Variants in DDX24 observed in about 807,000 individuals in gnomAD.
DDX24 encodes ATP-dependent RNA helicase DDX24.
A neutral mutation model predicts 68.9 loss-of-function variants in DDX24; 24 were observed. The ratio of observed to expected loss-of-function variants is 0.35; its 90% CI spans 0.25 to 0.49. The LOEUF (loss-of-function observed/expected upper bound fraction) is 0.49, where lower values mean the gene tolerates loss of function less well. DDX24 is among the 20% of genes least tolerant of loss of function. The pLI is 0.99. For missense variants in DDX24, 989 were observed against 1,039.0 expected (o/e 0.95, Z 0.66); for synonymous variants, 395 against 385.2 (o/e 1.03, Z -0.30).
rs1885377599 is a variant in DDX24, at chr14:94,051,082, A to C, written c.*109T>G. 2 of 1,356,206 alleles carry C rather than the reference A, an allele frequency of 1.5e-6. No individual in the cohort carries two copies. The highest frequency in any genetic ancestry group is 5.3e-5 in the Admixed American group (2 of 37,478). The allele number at this position is 1,356,206 out of a possible 1,614,324, so 84.0% of individuals were successfully genotyped here. A position where few individuals can be genotyped will look rare whatever the true frequency, so the allele number is the denominator to read the frequency against. On this transcript the variant is annotated 3_prime_UTR_variant, in exon 9 of 9. Transcript: ENST00000621632. ...CTATGGGTGTGAGTGGAAGAGAGGGAGACTTTTTTACCTGGGGTTGGTGGT... is the reference window on the plus strand; with the variant it reads ...CTATGGGTGTGAGTGGAAGAGAGGGCGACTTTTTTACCTGGGGTTGGTGGT...
At chr14:94,063,300 A>G (rs1324615515) in intron 2 of DDX24, among the ~76,000 whole-genome samples, 5 of 151,894 alleles carry the variant, frequency 3.3e-5, no homozygotes, top group Non-Finnish European at 5.9e-5. Context: ...ATAAGGAAAA[A>G]AGAGAGCAAA....
chr14:94,079,154 G>A lies in DDX24; in HGVS notation c.589C>T (p.Leu197=), dbSNP rs759348645. The change falls in exon 2 of 9, where the codon CTG becomes TTG. Residue 197 remains leucine, a synonymous_variant. Coordinates refer to ENST00000621632, the MANE Select transcript of DDX24 (RefSeq NM_020414.4). ...QKADVSAWKD[L]FVPRPVLRAL... is the part of the protein sequence containing the mutation. ...CGGAGAACCGGCCTGGGAACAAACA[G>A]GTCCTTCCAAGCTGACACATCTGCT... 5 of 1,614,214 alleles carry A rather than the reference G, an allele frequency of 3.1e-6. No homozygotes were observed. Among genetic ancestry groups the A allele is most frequent in the Non-Finnish European group, 4.2e-6 (5 of 1,180,044 alleles).
intron 7 of DDX24, 117 bp from the exon 8 acceptor site, chr14:94,053,244 T>A: frequency 7.4e-7 from 1 of 1,343,498 alleles, no homozygotes; most frequent in Non-Finnish European, 1.0e-6. Flanking sequence ...CTGCCCAGGC[T>A]GGAGAGCAGT....
chr14:94,062,454 C>T lies in DDX24; in HGVS notation c.886G>A (p.Asp296Asn), dbSNP rs748743559. 4.3e-6 allele frequency: 7 copies of T among 1,614,034 alleles called. No homozygotes were observed. The highest frequency in any genetic ancestry group is 5.9e-6 in the Non-Finnish European group (7 of 1,180,030). ...RSPGKAEAES[D>N]ALPDDTVIES... Reference sequence around the variant, plus strand: ...ATTACAGTATCGTCAGGCAATGCATCAGACTCAGCTTCAGCCTTGCCTGGT... The same window carrying T: ...ATTACAGTATCGTCAGGCAATGCATTAGACTCAGCTTCAGCCTTGCCTGGT... The change falls in exon 3 of 9, where the codon GAT becomes AAT. Residue 296 changes from aspartate to asparagine, a missense_variant. This residue lies in a region of DDX24 where 691 missense variants were observed against 760.0 expected (regional missense o/e 0.91). Coordinates refer to ENST00000621632, the MANE Select transcript of DDX24 (RefSeq NM_020414.4).
intron 2 of DDX24, among the ~76,000 whole-genome samples, chr14:94,069,619 ACTAG>A (rs1164816060): frequency 6.6e-6 from 1 of 152,230 alleles, no homozygotes; most frequent in Non-Finnish European, 1.5e-5. Context: ...TTAACAAAAT[ACTAG>A]CTAACCAAAT....
At chr14:94,057,954 T>G (rs966880485) in intron 5 of DDX24, 57 bp from the exon 6 acceptor site, 1 of 1,521,054 alleles carries the variant, frequency 6.6e-7, no homozygotes, top group African/African-American at 1.4e-5. Flanking sequence ...TTAATCAAAT[T>G]CTTACCAACT....
Position 94,062,226 on chromosome 14 carries a change from C to T in DDX24, c.1114G>A (p.Glu372Lys), listed in dbSNP as rs112476185. Residue 372 changes from glutamate to lysine, a missense_variant, in exon 3 of 9, where the codon GAG (glutamate) becomes AAG (lysine). Glu to Lys is a moderately conservative substitution (Grantham distance 56). This residue lies in a region of DDX24 where 691 missense variants were observed against 760.0 expected (regional missense o/e 0.91). Coordinates refer to ENST00000621632, the MANE Select transcript of DDX24 (RefSeq NM_020414.4). ...DKEQTGNLKQELDDKSATCKA... is the reference protein window; with the variant it reads ...DKEQTGNLKQKLDDKSATCKA... ...CAGGTGGCGCTTTTGTCATCCAACT[C>T]CTGTTTTAGATTTCCAGTCTGCTCT... 179 of 1,614,136 alleles carry T rather than the reference C, an allele frequency of 1.1e-4. No homozygotes were observed. In the African/African-American group the frequency reaches 1.9e-3, roughly 17 times the overall value.
At chr14:94,060,761 C>A in intron 4 of DDX24, 148 bp from the exon 5 acceptor site, 9 of 1,453,730 alleles carry the variant, frequency 6.2e-6, no homozygotes, top group Non-Finnish European at 8.3e-6. Context: ...AACTAATCTC[C>A]CTCATGCACT....
intron 5 of DDX24, among the ~76,000 whole-genome samples, chr14:94,058,714 C>G (rs1327135478): frequency 6.6e-6 from 1 of 152,180 alleles, no homozygotes; most frequent in East Asian, 1.9e-4. Flanking sequence ...GTCCTCACTC[C>G]CTGCATGTCT....
intron 2 of DDX24, among the ~76,000 whole-genome samples, chr14:94,073,859 C>T (rs1024792045): frequency 3.3e-5 from 5 of 151,826 alleles, no homozygotes; most frequent in Middle Eastern, 3.4e-3. Context: ...CTGGTTAACA[C>T]GGTGAAACCC....
At chr14:94,058,302 C>G (rs570912159) in intron 5 of DDX24, among the ~76,000 whole-genome samples, 69 of 152,294 alleles carry the variant, frequency 4.5e-4, no homozygotes, top group African/African-American at 1.7e-3. Context: ...ACCTCCAAGC[C>G]TTTGCACTTG....
At position 94,061,975 on chromosome 14, in the gene DDX24, T is replaced by C. The variant is rs535035036; in HGVS notation, c.1243+122A>G. 43 of 1,114,896 alleles carry C rather than the reference T, an allele frequency of 3.9e-5. No homozygotes were observed. The South Asian group carries it at 6.9e-4, about 18-fold the overall frequency. The allele number at this position is 1,114,896 out of a possible 1,614,324, so 69.1% of individuals were successfully genotyped here. On this transcript the variant is annotated intron_variant, in intron 3 of 8. Coordinates refer to ENST00000621632, the MANE Select transcript of DDX24 (RefSeq NM_020414.4). Reference sequence around the variant, plus strand: ...TATATCAATTTTCTGTAGGGCTTAATTGTCTGGCTTATAGATGAGAGTGGC... The same window carrying C: ...TATATCAATTTTCTGTAGGGCTTAACTGTCTGGCTTATAGATGAGAGTGGC...
chr14:94,056,922 TTTG>T (rs764517195), intron 6 of DDX24: 8 of 152,162 alleles, frequency 5.3e-5, no homozygotes, highest in African/African-American at 1.2e-4. Flanking sequence ...GCACTGTGAG[TTTG>T]TTGTTTCTCT....
chr14:94,068,959 G>A (rs1026112696), intron 2 of DDX24, among the ~76,000 whole-genome samples: 1 of 152,016 alleles, frequency 6.6e-6, no homozygotes, highest in Admixed American at 6.5e-5. Flanking sequence ...AGGAGCTAGA[G>A]AAACAAGAAC....
rs1316251127 is a variant in DDX24 at position 94,061,593 on chromosome 14, T to A, written c.1243+504A>T. On this transcript the variant is annotated intron_variant, in intron 3 of 8. Coordinates refer to ENST00000621632, the MANE Select transcript of DDX24 (RefSeq NM_020414.4). ...GCTGCTTTCATTATAAAATTAAGAT[T>A]CCCAGAGTGAAGCCCTTCCCAGAGT... Among the ~76,000 whole-genome samples the A allele has an allele frequency of 2.0e-5, 3 of 152,136 alleles. No homozygotes were observed. The East Asian group carries it at 5.8e-4, about 29-fold the overall frequency.
chr14:94,053,503 C>G (rs1885432861), intron 7 of DDX24: 1 of 172,880 alleles, frequency 5.8e-6, no homozygotes, highest in Admixed American at 6.3e-5. Context: ...GCCACCGTGC[C>G]CAGCAAGTAG....
At chr14:94,065,971 A>G (rs1885696798) in intron 2 of DDX24, among the ~76,000 whole-genome samples, 1 of 152,220 alleles carries the variant, frequency 6.6e-6, no homozygotes, top group African/African-American at 2.4e-5. Context: ...AAATTCTGTA[A>G]CAATTTGATT....
At chr14:94,075,293 C>T (rs997523896) in intron 2 of DDX24, among the ~76,000 whole-genome samples, 1 of 152,168 alleles carries the variant, frequency 6.6e-6, no homozygotes, top group Admixed American at 6.5e-5. Context: ...AAGAAACTGA[C>T]ATAAAGACTA....
chr14:94,073,814 C>T (rs1288458520), intron 2 of DDX24, among the ~76,000 whole-genome samples: 8 of 151,870 alleles, frequency 5.3e-5, no homozygotes, highest in Admixed American at 2.0e-4. Flanking sequence ...GAGGCCGAGG[C>T]GAGCAGATCA....
Sources: gnomAD v4.1 joint callset for allele counts (sites outside exome capture counted in the v4.1 genomes callset) on GRCh38, gnomAD v4.1.1 for gene constraint, gnomAD v4.1.1 regional missense constraint, MANE v1.5 for transcripts, NCBI Gene and HGNC (gene_info 2026-07-23, HGNC 2026-07-21) for gene names.